Variants in ZFAT observed in about 807,000 individuals in gnomAD.
ZFAT encodes the protein zinc finger and AT-hook domain containing.
A neutral mutation model predicts 117.7 loss-of-function variants in ZFAT; 64 were observed. The ratio of observed to expected loss-of-function variants is 0.54; its 90% CI spans 0.44 to 0.67. The LOEUF (loss-of-function observed/expected upper bound fraction) is 0.67, where lower values mean the gene tolerates loss of function less well. Ranked by LOEUF, ZFAT falls within the 30% of genes least tolerant of loss-of-function variation. ZFAT has a pLI of 0.00. For synonymous variants in ZFAT, 679 were observed against 615.0 expected (o/e 1.10, Z -1.54); for missense variants, 1,433 against 1,584.5 (o/e 0.90, Z 1.62).
At chr8:134,659,344 C>T (rs540236453) in intron 1 of ZFAT, among the ~76,000 whole-genome samples, 1 of 152,186 alleles carries the variant, frequency 6.6e-6, no homozygotes, top group South Asian at 2.1e-4. Flanking sequence ...GTGAGGGGGA[C>T]ACAAGGTGTG....
chr8:134,478,560 C>A lies in ZFAT; in HGVS notation c.3654G>T (p.Ser1218=). 1 of 1,594,730 alleles carries A rather than the reference C, an allele frequency of 6.3e-7. No homozygotes were observed. The highest frequency in any genetic ancestry group is 1.7e-5 in the Admixed American group (1 of 57,686). The change falls in exon 16 of 16, where the codon TCG becomes TCT. Residue 1218 remains serine (S), a synonymous_variant. Transcript: ENST00000377838. The surrounding 1 kb of genome is among the most constrained non-coding windows in gnomAD (Gnocchi z 5.2). ...CCTCCTGCACGTAGACGATGAACTCCGAGGCCTCCCCGCCCTGCGTGTAGA... is the reference window on the plus strand; with the variant it reads ...CCTCCTGCACGTAGACGATGAACTCAGAGGCCTCCCCGCCCTGCGTGTAGA... ...VTVYTQGGEA[S]EFIVYVQEAM... is the part of the protein sequence containing the mutation.
At chr8:134,826,924 C>G in the ZFAT span, among the ~76,000 whole-genome samples, 5 of 152,178 alleles carry the variant, frequency 3.3e-5, no homozygotes, top group African/African-American at 4.8e-5. Flanking sequence ...CAACACCTAA[C>G]AGTAGCATGA....
At chr8:134,612,074 T>C (rs997259906) in intron 3 of ZFAT, among the ~76,000 whole-genome samples, 3 of 152,324 alleles carry the variant, frequency 2.0e-5, no homozygotes, top group African/African-American at 7.2e-5. Context: ...GGAGGAAATA[T>C]AGGGAAGGGA....
the ZFAT span, among the ~76,000 whole-genome samples, chr8:134,816,746 GC>G: frequency 6.6e-6 from 1 of 152,154 alleles, no homozygotes; most frequent in African/African-American, 2.4e-5. Context: ...ACACTGAGAG[GC>G]CAAAGTGGGT....
At chr8:134,598,130 C>G (rs1358023338) in intron 7 of ZFAT, 1 of 152,206 alleles carries the variant, frequency 6.6e-6, no homozygotes, top group Non-Finnish European at 1.5e-5. Flanking sequence ...AATGGGCAAC[C>G]CCAGGCAGTG....
the ZFAT span, among the ~76,000 whole-genome samples, chr8:134,810,355 T>C: frequency 6.6e-6 from 1 of 152,208 alleles, no homozygotes; most frequent in Non-Finnish European, 1.5e-5. Context: ...ATGTGTATAA[T>C]GTCCAACGGA....
intron 1 of ZFAT, among the ~76,000 whole-genome samples, chr8:134,712,410 C>A (rs1288493377): frequency 5.9e-5 from 9 of 152,130 alleles, no homozygotes; most frequent in African/African-American, 2.2e-4. Context: ...TAGGTCCAGC[C>A]GGCGGCCGGG....
the ZFAT span, among the ~76,000 whole-genome samples, chr8:134,737,345 A>G: frequency 4.6e-5 from 7 of 152,236 alleles, no homozygotes; most frequent in Admixed American, 2.0e-4. Flanking sequence ...ACTCTCCACA[A>G]TTATTACCTT....
intron 15 of ZFAT, among the ~76,000 whole-genome samples, chr8:134,505,349 C>A (rs1232433205): frequency 6.6e-6 from 1 of 152,198 alleles, no homozygotes; most frequent in African/African-American, 2.4e-5. Flanking sequence ...AGAGCAGGAA[C>A]AATCTTAATT....
At chr8:134,832,105 G>A in the ZFAT span, among the ~76,000 whole-genome samples, 1 of 149,838 alleles carries the variant, frequency 6.7e-6, no homozygotes, top group Middle Eastern at 3.2e-3. Context: ...AGAGGGCGCG[G>A]GGACGCGCCA....
rs553754492 is a variant in ZFAT, at chr8:134,696,631, G to T, written c.19+16214C>A. 1.5e-4 allele frequency: 143 copies of T among 985,294 alleles called. No individual in the cohort carries two copies. In the African/African-American group the frequency reaches 2.3e-3, roughly 16 times the overall value. 61.0% of individuals were successfully genotyped at this position (985,294 alleles called of 1,614,324 possible). On this transcript the variant is annotated intron_variant, in intron 1 of 15. Coordinates refer to ENST00000377838, the MANE Select transcript of ZFAT (RefSeq NM_020863.4). ...CGCGCTTCTCTCCAATACAGCCACA[G>T]CCCTGCCCAGGTGGGACAGGGCATC...
intron 1 of ZFAT, among the ~76,000 whole-genome samples, chr8:134,679,229 A>C (rs1344850253): frequency 2.0e-5 from 3 of 152,258 alleles, no homozygotes; most frequent in African/African-American, 7.2e-5. Context: ...AAAGAACTTA[A>C]ACAAGTTTAC....
chr8:134,559,320 T>C (rs1367166166), intron 11 of ZFAT, among the ~76,000 whole-genome samples: 1 of 152,220 alleles, frequency 6.6e-6, no homozygotes, highest in Non-Finnish European at 1.5e-5. Flanking sequence ...GGTTTTGCCC[T>C]TTTTTAATCT....
intron 13 of ZFAT, among the ~76,000 whole-genome samples, chr8:134,516,333 C>T (rs1053975257): frequency 1.3e-5 from 2 of 152,170 alleles, no homozygotes; most frequent in Non-Finnish European, 2.9e-5. Flanking sequence ...TCAGGAGACA[C>T]GCTTTGGATG....
intron 7 of ZFAT, among the ~76,000 whole-genome samples, chr8:134,591,636 G>A (rs1287936427): frequency 6.6e-6 from 1 of 152,154 alleles, no homozygotes; most frequent in East Asian, 1.9e-4. Flanking sequence ...GTTAAAATGA[G>A]GTCACTAGGG....
In ZFAT at chr8:134,569,842, T is replaced by C. The variant is rs145170985; in HGVS notation, c.2888-4421A>G. ...TTCTAATTAAGCCAGCCTAAATCAG[T>C]ATACCTAAAACAAAAAGCATAAAAG... On this transcript the variant is annotated intron_variant, in intron 10 of 15. Transcript: ENST00000377838. Among the ~76,000 whole-genome samples the C allele has an allele frequency of 1.2e-3, 177 of 152,232 alleles. 1 individual carries two copies. Among genetic ancestry groups the C allele is most frequent in the African/African-American group, 4.0e-3 (167 of 41,530 alleles).
At chr8:134,718,474 G>T in the ZFAT span, among the ~76,000 whole-genome samples, 1 of 152,186 alleles carries the variant, frequency 6.6e-6, no homozygotes, top group Non-Finnish European at 1.5e-5. Flanking sequence ...TCCAGCCTGG[G>T]CGACAGATTA....
At chr8:134,713,229 C>G (rs992308252), upstream of ZFAT, among the ~76,000 whole-genome samples, 12 of 152,288 alleles carry the variant, frequency 7.9e-5, no homozygotes, top group African/African-American at 2.4e-4. Context: ...GAGGGGCCCT[C>G]GGGAGGTCCG....
chr8:134,687,309 A>G (rs1276560996), intron 1 of ZFAT, among the ~76,000 whole-genome samples: 2 of 152,372 alleles, frequency 1.3e-5, no homozygotes, highest in East Asian at 3.9e-4. Flanking sequence ...TTCTTTGCTG[A>G]AGCTGGATTA....
Sources: allele counts gnomAD v4.1 joint callset (sites outside exome capture counted in the v4.1 genomes callset), GRCh38; gene constraint gnomAD v4.1.1; non-coding constraint Gnocchi (gnomAD v3.1); transcripts MANE v1.5; gene names NCBI Gene and HGNC (gene_info 2026-07-23, HGNC 2026-07-21).